SSH2: variants seen among roughly 807,000 people sequenced by gnomAD.
SSH2 encodes slingshot protein phosphatase 2.
A neutral mutation model predicts 135.2 loss-of-function variants in SSH2; 37 were observed. The ratio of observed to expected loss-of-function variants is 0.27; its 90% CI spans 0.21 to 0.36. SSH2 has a LOEUF of 0.36. Ranked by LOEUF, SSH2 falls within the 10% of genes least tolerant of loss-of-function variation. SSH2 has a pLI of 1.00. For missense variants in SSH2, 1,408 were observed against 1,765.3 expected (o/e 0.80, Z 3.63); for synonymous variants, 628 against 646.2 (o/e 0.97, Z 0.43).
At chr17:29,910,956 G>A (rs2066754251) in intron 1 of SSH2, among the ~76,000 whole-genome samples, 1 of 152,094 alleles carries the variant, frequency 6.6e-6, no homozygotes, top group Non-Finnish European at 1.5e-5. Context: ...TCTCTGAAAT[G>A]GTGACATTAT....
chr17:29,740,342 G>A (rs571239668), intron 3 of SSH2, among the ~76,000 whole-genome samples: 1 of 152,304 alleles, frequency 6.6e-6, no homozygotes, highest in Middle Eastern at 3.4e-3. Context: ...CATTAAGGAA[G>A]CATCGCAGTC....
At chr17:29,652,333 G>A (rs937762766) in intron 12 of SSH2, among the ~76,000 whole-genome samples, 1 of 152,122 alleles carries the variant, frequency 6.6e-6, no homozygotes, top group Non-Finnish European at 1.5e-5. Context: ...GCCGAAGAGT[G>A]GCTCTTTGTT....
intron 3 of SSH2, among the ~76,000 whole-genome samples, chr17:29,771,780 G>A (rs1438486424): frequency 6.6e-6 from 1 of 152,126 alleles, no homozygotes; most frequent in Non-Finnish European, 1.5e-5. Context: ...GTTTGTTTAG[G>A]ATGGTCAAGT....
chr17:29,704,506 A>G (rs1714871572), intron 3 of SSH2, among the ~76,000 whole-genome samples: 1 of 152,256 alleles, frequency 6.6e-6, no homozygotes, highest in South Asian at 2.1e-4. Context: ...GTTTGAGACC[A>G]GGCTAGGCAA....
At chr17:29,896,510 T>C (rs2066448048) in intron 1 of SSH2, among the ~76,000 whole-genome samples, 1 of 150,092 alleles carries the variant, frequency 6.7e-6, no homozygotes, top group East Asian at 1.9e-4. Context: ...CTTGGGCATC[T>C]GTAGATTTTG....
In SSH2 at chr17:29,761,359, C is replaced by A. The variant is rs2041295079; in HGVS notation, c.188+32535G>T. On this transcript the variant is annotated intron_variant, in intron 3 of 15. Transcript: ENST00000540801. Reference sequence around the variant, plus strand: ...AGGCGCAGGCTGCGCGTGCACCCGGCGGCGGAGGCGGGCCCGCCGGGTCGC... The same window carrying A: ...AGGCGCAGGCTGCGCGTGCACCCGGAGGCGGAGGCGGGCCCGCCGGGTCGC... The A allele has an allele frequency of 8.4e-6, 9 of 1,065,974 alleles. No homozygotes were observed. In the South Asian group the frequency reaches 1.8e-4, roughly 22 times the overall value. 66.0% of individuals were successfully genotyped at this position (1,065,974 alleles called of 1,614,324 possible).
chr17:29,741,707 C>T (rs2040562179), intron 3 of SSH2, among the ~76,000 whole-genome samples: 1 of 151,132 alleles, frequency 6.6e-6, no homozygotes. Context: ...CCTCCGCCTG[C>T]CAGTTTCAAG....
At chr17:29,648,030 T>C in intron 14 of SSH2, 114 bp downstream of exon 14, 1 of 1,053,980 alleles carries the variant, frequency 9.5e-7, no homozygotes. Context: ...AATAAGTCTT[T>C]TTTGAAAAAA....
chr17:29,635,456 G>C (rs995762447), intron 15 of SSH2, among the ~76,000 whole-genome samples: 3 of 151,938 alleles, frequency 2.0e-5, no homozygotes, highest in Non-Finnish European at 4.4e-5. Flanking sequence ...CCAGGCTGGA[G>C]TGCAGTGGCA....
intron 1 of SSH2, among the ~76,000 whole-genome samples, chr17:29,897,362 T>A (rs933739189): frequency 1.2e-4 from 18 of 151,978 alleles, no homozygotes; most frequent in Non-Finnish European, 2.4e-4. Flanking sequence ...TCAAGACCCA[T>A]CAGTGTGCTG....
chr17:29,909,745 C>T (rs752409134), intron 1 of SSH2, among the ~76,000 whole-genome samples: 30 of 152,146 alleles, frequency 2.0e-4, no homozygotes, highest in Non-Finnish European at 3.7e-4. Context: ...AAAAAAACCA[C>T]CCCATTACCA....
At chr17:29,660,928 G>A (rs546422498) in intron 11 of SSH2, among the ~76,000 whole-genome samples, 8 of 151,712 alleles carry the variant, frequency 5.3e-5, no homozygotes, top group African/African-American at 1.7e-4. Flanking sequence ...ATGGTGGTGC[G>A]TGCGTGCCTG....
At chr17:29,808,558 A>T (rs1250905615) in intron 2 of SSH2, among the ~76,000 whole-genome samples, 1 of 152,240 alleles carries the variant, frequency 6.6e-6, no homozygotes, top group Non-Finnish European at 1.5e-5. Flanking sequence ...CTCATCACTG[A>T]CTATCTTACC....
Position 29,631,914 on chromosome 17 carries a change from T to G in SSH2, c.3280A>C (p.Asn1094His). 2 of 1,614,152 alleles carry G rather than the reference T, an allele frequency of 1.2e-6. No individual in the cohort carries two copies. Among genetic ancestry groups the G allele is most frequent in the Non-Finnish European group, 1.7e-6 (2 of 1,180,026 alleles). The change falls in exon 16 of 16, where the codon AAC becomes CAC. Residue 1094 changes from asparagine to histidine, a missense_variant. Transcript: ENST00000540801. ...DENLNRTLDPNQVSLHPQVLP... is the reference protein window; with the variant it reads ...DENLNRTLDPHQVSLHPQVLP... ...ACTTGGGGGTGCAGAGAAACCTGGTTGGGGTCCAGAGTCCTGTTTAGATTT... is the reference window on the plus strand; with the variant it reads ...ACTTGGGGGTGCAGAGAAACCTGGTGGGGGTCCAGAGTCCTGTTTAGATTT...
At chr17:29,886,982 A>C (rs1456124737) in intron 1 of SSH2, among the ~76,000 whole-genome samples, 1 of 152,142 alleles carries the variant, frequency 6.6e-6, no homozygotes, top group East Asian at 1.9e-4. Flanking sequence ...TTAGAGATTA[A>C]AGATTTTTTT....
chr17:29,869,390 A>G (rs2065905034), intron 1 of SSH2, among the ~76,000 whole-genome samples: 1 of 152,226 alleles, frequency 6.6e-6, no homozygotes, highest in African/African-American at 2.4e-5. Flanking sequence ...CGGAAGCTCA[A>G]CTTTGAGGTA....
intron 3 of SSH2, among the ~76,000 whole-genome samples, chr17:29,756,263 C>G (rs924560610): frequency 1.2e-5 from 1 of 82,702 alleles, no homozygotes; most frequent in Admixed American, 1.4e-4. Flanking sequence ...GACTCTGTCT[C>G]AAAAAAAAAA....
chr17:29,638,949 A>G (rs981499548), intron 14 of SSH2, among the ~76,000 whole-genome samples: 1 of 152,214 alleles, frequency 6.6e-6, no homozygotes, highest in African/African-American at 2.4e-5. Context: ...CACAAAGGGA[A>G]TACTCTGTTG....
chr17:29,852,044 G>A (rs1350583558), intron 1 of SSH2, among the ~76,000 whole-genome samples: 1 of 152,158 alleles, frequency 6.6e-6, no homozygotes, highest in Non-Finnish European at 1.5e-5. Context: ...CACTTTGGGA[G>A]GCCAAGGTGG....
Sources: gnomAD v4.1 joint callset for allele counts (sites outside exome capture counted in the v4.1 genomes callset) on GRCh38, gnomAD v4.1.1 for gene constraint, MANE v1.5 for transcripts, NCBI Gene and HGNC (gene_info 2026-07-23, HGNC 2026-07-21) for gene names.